Variants in CCDC198 observed in about 807,000 individuals in gnomAD.
The protein encoded by CCDC198 is coiled-coil domain containing 198.
CCDC198 carries 18 observed loss-of-function variants against 35.6 expected under a neutral mutation model. That is an observed-to-expected ratio of 0.51 (90% CI 0.35 to 0.75). The LOEUF (loss-of-function observed/expected upper bound fraction) is 0.75, where lower values mean the gene tolerates loss of function less well. Among genes scored for constraint, CCDC198 ranks in the 30% least tolerant of loss-of-function variants. CCDC198 has a pLI of 0.01. For synonymous variants in CCDC198, 119 were observed against 113.4 expected, an observed-to-expected ratio of 1.05 and a Z score of -0.31; for missense variants, 365 against 343.7, an observed-to-expected ratio of 1.06 and a Z score of -0.49.
At chr14:57,486,787 A>G (rs993906351) in intron 2 of CCDC198, among the ~76,000 whole-genome samples, 2 of 152,166 alleles carry the variant, frequency 1.3e-5, no homozygotes, top group African/African-American at 4.8e-5. Context: ...ATAAATATGT[A>G]GTTTCACAGA....
At chr14:57,483,208 AGAAAAGCC>A (rs1555343483) in intron 2 of CCDC198, 57 bp from the exon 3 acceptor site, 3 of 1,612,832 alleles carry the variant, frequency 1.9e-6, no homozygotes, top group Non-Finnish European at 2.5e-6. Flanking sequence ...ATGATGAAAC[AGAAAAGCC>A]AGACATTAAA....
At position 57,483,234 on chromosome 14, in the gene CCDC198, A is replaced by G. The variant is rs1211838034; in HGVS notation, c.307-83T>C. On this transcript the variant is annotated intron_variant, in intron 2 of 5. Coordinates refer to ENST00000216445, the MANE Select transcript of CCDC198 (RefSeq NM_018168.4). ...GAAAAGCCAGACATTAAATTATCTT[A>G]ACACTTTGCAAAAGCGGCACTTATT... 6.3e-6 allele frequency: 10 copies of G among 1,598,320 alleles called. No individual in the cohort carries two copies. The African/African-American group carries it at 1.3e-4, about 21-fold the overall frequency.
At chr14:57,481,805 G>A (rs546802002) in intron 3 of CCDC198, 145 bp from the exon 4 acceptor site, 25 of 578,634 alleles carry the variant, frequency 4.3e-5, no homozygotes, top group South Asian at 1.8e-4. Flanking sequence ...GTGGACTATC[G>A]TGTGTCCCTG....
intron 5 of CCDC198, chr14:57,479,008 T>G: frequency 7.8e-7 from 1 of 1,289,326 alleles, no homozygotes; most frequent in South Asian, 1.2e-5. Flanking sequence ...TATTGGAAAT[T>G]TCAACTGTGG....
chr14:57,481,651 CT>C lies in CCDC198; in HGVS notation c.402del (p.Glu135LysfsTer25). On this transcript the variant is annotated frameshift_variant, in exon 4 of 6. Coordinates refer to ENST00000216445, the MANE Select transcript of CCDC198 (RefSeq NM_018168.4). LOFTEE classifies it high-confidence loss of function. ...ARTMHKAKQV[L>X]EKKMQTPMYT... ...TACATTGGAGTTTGCATTTTCTTTT[CT>C]AGTACCTGCTATGAAAGACAACACA... The C allele has an allele frequency of 6.3e-7, 1 of 1,598,592 alleles. No homozygotes were observed. The highest frequency in any genetic ancestry group is 8.6e-7 in the Non-Finnish European group (1 of 1,168,202).
intron 2 of CCDC198, among the ~76,000 whole-genome samples, chr14:57,487,056 A>G (rs945602983): frequency 2.0e-5 from 3 of 152,164 alleles, no homozygotes; most frequent in Non-Finnish European, 4.4e-5. Context: ...CTTCTGCTAA[A>G]TTAACCAGTC....
At chr14:57,492,879 G>A (rs1045671566) in intron 1 of CCDC198, among the ~76,000 whole-genome samples, 12 of 152,046 alleles carry the variant, frequency 7.9e-5, no homozygotes, top group African/African-American at 2.9e-4. Flanking sequence ...AATATCCCAG[G>A]ATTTATGGCC....
At chr14:57,483,025 C>T in intron 3 of CCDC198, 40 bp downstream of exon 3, 1 of 1,613,378 alleles carries the variant, frequency 6.2e-7, no homozygotes, top group Non-Finnish European at 8.5e-7. Context: ...TGTCGCCCAC[C>T]CCCAGTTCAC....
chr14:57,491,296 C>T (rs2067560281), intron 1 of CCDC198, among the ~76,000 whole-genome samples: 1 of 152,000 alleles, frequency 6.6e-6, no homozygotes, highest in Non-Finnish European at 1.5e-5. Context: ...ATCTGCTCTC[C>T]TAACTTCCTA....
Position 57,489,497 on chromosome 14 carries a change from C to T in CCDC198, c.306+1492G>A, listed in dbSNP as rs555077848. On this transcript the variant is annotated intron_variant, in intron 2 of 5. Coordinates refer to ENST00000216445, the MANE Select transcript of CCDC198 (RefSeq NM_018168.4). ...CTTATTTACTTTTATAACAAACCTA[C>T]ACATCCTGCACCTGTACCCCTGAAC... Among the ~76,000 whole-genome samples, 14 of 152,204 alleles carry T rather than the reference C, an allele frequency of 9.2e-5. 1 individual carries two copies. In the South Asian group the frequency reaches 2.7e-3, roughly 29 times the overall value.
At chr14:57,479,144 AT>A in intron 5 of CCDC198, 1 of 763,436 alleles carries the variant, frequency 1.3e-6, no homozygotes, top group Non-Finnish European at 1.9e-6. Context: ...AGCATAAACA[AT>A]TTGGCCTGGC....
chr14:57,483,267 G>T (rs1389887164), intron 2 of CCDC198, 116 bp from the exon 3 acceptor site: 2 of 1,474,552 alleles, frequency 1.4e-6, no homozygotes, highest in Non-Finnish European at 1.8e-6. Flanking sequence ...ATTTCTGAGA[G>T]CATACAGGAA....
intron 2 of CCDC198, among the ~76,000 whole-genome samples, chr14:57,486,869 C>T (rs2067379408): frequency 6.6e-6 from 1 of 152,120 alleles, no homozygotes; most frequent in Non-Finnish European, 1.5e-5. Context: ...TAGATATCTT[C>T]AAGAACTCTC....
At chr14:57,476,551 T>C (rs2067003980) in intron 5 of CCDC198, among the ~76,000 whole-genome samples, 1 of 152,226 alleles carries the variant, frequency 6.6e-6, no homozygotes, top group African/African-American at 2.4e-5. Context: ...ACATTATATA[T>C]CATTTGTGTC....
chr14:57,490,303 G>T (rs999319321), intron 2 of CCDC198, among the ~76,000 whole-genome samples: 1 of 152,156 alleles, frequency 6.6e-6, no homozygotes, highest in Non-Finnish European at 1.5e-5. Flanking sequence ...TTCTTAAAAT[G>T]TATAGCTAGC....
intron 5 of CCDC198, 124 bp downstream of exon 5, chr14:57,480,470 TA>T (rs1385806321): frequency 1.6e-6 from 2 of 1,288,562 alleles, no homozygotes; most frequent in African/African-American, 1.5e-5. Flanking sequence ...TTCTGGGAAG[TA>T]AAAATCTCAG....
chr14:57,471,417 C>A lies in CCDC198; in HGVS notation c.829G>T (p.Ala277Ser). 1 of 1,614,014 alleles carries A rather than the reference C, an allele frequency of 6.2e-7. No homozygotes were observed. The highest frequency in any genetic ancestry group is 8.5e-7 in the Non-Finnish European group (1 of 1,179,972). ...EQGKDEKKPR[A>S]LVRTRTERIP... is the part of the protein sequence containing the mutation. ...CTCTCTGTCCTGGTCCTCACCAGTG[C>A]TCGTGGCTTCTTCTCATCTTTCCCC... The change falls in exon 6 of 6, where the codon GCA becomes TCA. Residue 277 changes from alanine (A) to serine (S), a missense_variant. Coordinates refer to ENST00000216445, the MANE Select transcript of CCDC198 (RefSeq NM_018168.4).
At chr14:57,492,349 CT>C (rs920567060) in intron 1 of CCDC198, among the ~76,000 whole-genome samples, 4 of 151,766 alleles carry the variant, frequency 2.6e-5, no homozygotes, top group African/African-American at 2.4e-5. Context: ...TTACCTAAAT[CT>C]TTTTTTTCTT....
chr14:57,472,326 T>A lies in CCDC198; in HGVS notation c.656-736A>T, dbSNP rs554776303. 5.3e-5 allele frequency among the ~76,000 whole-genome samples: 8 copies of A among 152,308 alleles called. 1 individual carries two copies. Among genetic ancestry groups the A allele is most frequent in the African/African-American group, 1.9e-4 (8 of 41,568 alleles). ...TTCTCCTCTTCTGTTTCCTCTTCCA[T>A]CTTCATTGTCTTTTTCATTTTTCCT... is the stretch of plus-strand genomic sequence containing the variant. On this transcript the variant is annotated intron_variant, in intron 5 of 5. Coordinates refer to ENST00000216445, the MANE Select transcript of CCDC198 (RefSeq NM_018168.4).
Sources: gnomAD v4.1 joint callset for allele counts (sites outside exome capture counted in the v4.1 genomes callset) on GRCh38, gnomAD v4.1.1 for gene constraint, MANE v1.5 for transcripts, NCBI Gene and HGNC (gene_info 2026-07-23, HGNC 2026-07-21) for gene names.